Variants in HNF1B observed in about 807,000 individuals in gnomAD.
HNF1B encodes the protein HNF1 homeobox B.
HNF1B carries 8 observed loss-of-function variants against 61.7 expected under a neutral mutation model. The observed-to-expected ratio is 0.13, with a 90% CI of 0.08 to 0.23. HNF1B has a LOEUF of 0.23. Among genes scored for constraint, HNF1B ranks in the 10% least tolerant of loss-of-function variants. The probability of loss-of-function intolerance (pLI) is 1.00; values close to 1 mark genes in which losing one functional copy is unlikely to be tolerated. For synonymous variants in HNF1B, 314 were observed against 287.7 expected (o/e 1.09, Z -0.93); for missense variants, 562 against 714.5 (o/e 0.79, Z 2.43).
intron 4 of HNF1B, among the ~76,000 whole-genome samples, chr17:37,725,111 T>TA (rs2033455104): frequency 6.6e-6 from 1 of 152,184 alleles, no homozygotes; most frequent in Non-Finnish European, 1.5e-5. Flanking sequence ...GCACCTGTAA[T>TA]ACCTAATTCT....
At chr17:37,726,641 G>A (rs1435982772) in intron 4 of HNF1B, among the ~76,000 whole-genome samples, 1 of 152,190 alleles carries the variant, frequency 6.6e-6, no homozygotes, top group African/African-American at 2.4e-5. Flanking sequence ...CTGTGAAGGG[G>A]GATGAGCGAG....
At chr17:37,743,332 T>TGCAGGA (rs966802092) in intron 1 of HNF1B, among the ~76,000 whole-genome samples, 5 of 152,342 alleles carry the variant, frequency 3.3e-5, no homozygotes, top group African/African-American at 1.2e-4. Flanking sequence ...GGAACTCTCT[T>TGCAGGA]GCAGGAGTTC....
At position 37,744,774 on chromosome 17, in the gene HNF1B, C is replaced by T; in HGVS notation, c.111G>A (p.Pro37=). 1.9e-6 allele frequency: 3 copies of T among 1,613,620 alleles called. No homozygotes were observed. The highest frequency in any genetic ancestry group is 2.5e-6 in the Non-Finnish European group (3 of 1,180,040). The part of the protein sequence containing the change: ...VQALEELLPS[P]NFGVKLETLP... ...GCGTCTCCAGCTTCACCCCGAAGTT[C>T]GGGGATGGCAGCAACTCCTCCAAGG... Residue 37 remains proline (P), a synonymous_variant, in exon 1 of 9, where the codon CCG becomes CCA. Transcript: ENST00000617811.
chr17:37,718,526 T>G (rs1471472418), intron 4 of HNF1B, among the ~76,000 whole-genome samples: 1 of 152,192 alleles, frequency 6.6e-6, no homozygotes, highest in African/African-American at 2.4e-5. Flanking sequence ...AGGACAAGGT[T>G]GTTTGCACCG....
intron 4 of HNF1B, among the ~76,000 whole-genome samples, chr17:37,728,232 C>T (rs2033567779): frequency 6.6e-6 from 1 of 151,770 alleles, no homozygotes; most frequent in South Asian, 2.1e-4. Flanking sequence ...AAACTCCTGA[C>T]CTCAAGTGAT....
rs779375959 is a variant in HNF1B at position 37,733,706 on chromosome 17, A to G, written c.660T>C (p.Asp220=). ...SQQSHGPGQS[D]DACSEPTNKK... ...TGTTGGTGGGCTCAGAGCAGGCATC[A>G]TCGGACTGCCCAGGCCCATGGCTCT... The change falls in exon 3 of 9, where the codon GAT becomes GAC. Residue 220 remains aspartate, a synonymous_variant. Transcript: ENST00000617811. 6.6e-5 allele frequency: 106 copies of G among 1,614,104 alleles called. No homozygotes were observed. Among genetic ancestry groups the G allele is most frequent in the Non-Finnish European group, 8.6e-5 (102 of 1,180,044 alleles).
At position 37,709,853 on chromosome 17, in the gene HNF1B, C is replaced by T. The variant is rs140294557; in HGVS notation, c.1206+650G>A. ...ATCATAAGTAGTCGAGTAACCTGCT[C>T]AGGCTACACAGCTATTAAGAGCTGG... On this transcript the variant is annotated intron_variant, in intron 5 of 8. Coordinates refer to ENST00000617811, the MANE Select transcript of HNF1B (RefSeq NM_000458.4). Among the ~76,000 whole-genome samples, 47 of 152,280 alleles carry T rather than the reference C, an allele frequency of 3.1e-4. No homozygotes were observed. The East Asian group carries it at 7.7e-3, about 25-fold the overall frequency.
At chr17:37,731,858 A>C in intron 3 of HNF1B, 28 bp from the exon 4 acceptor site, 2 of 619,024 alleles carry the variant, frequency 3.2e-6, no homozygotes, top group Non-Finnish European at 5.7e-6. Flanking sequence ...GGAGATGGTG[A>C]GTGAGGGGGG....
At chr17:37,719,167 G>T (rs1421575901) in intron 4 of HNF1B, among the ~76,000 whole-genome samples, 1 of 151,884 alleles carries the variant, frequency 6.6e-6, no homozygotes, top group African/African-American at 2.4e-5. Flanking sequence ...GGGGGTCTAT[G>T]TTGCCCAGGG....
At chr17:37,722,880 A>ACCTTCT (rs763162559) in intron 4 of HNF1B, among the ~76,000 whole-genome samples, 2 of 151,966 alleles carry the variant, frequency 1.3e-5, no homozygotes, top group Non-Finnish European at 2.9e-5. Flanking sequence ...GGCTGTGTGC[A>ACCTTCT]CCTTCTCCTT....
chr17:37,724,627 C>A (rs1162210651), intron 4 of HNF1B, among the ~76,000 whole-genome samples: 1 of 151,972 alleles, frequency 6.6e-6, no homozygotes, highest in East Asian at 1.9e-4. Context: ...AATTTCAGTC[C>A]CCATAAAATA....
intron 4 of HNF1B, among the ~76,000 whole-genome samples, chr17:37,715,207 T>C (rs923119921): frequency 6.6e-6 from 1 of 152,084 alleles, no homozygotes; most frequent in African/African-American, 2.4e-5. Flanking sequence ...GCATGCACGC[T>C]GATGATATGT....
intron 4 of HNF1B, among the ~76,000 whole-genome samples, chr17:37,714,596 C>G (rs1247965995): frequency 6.6e-6 from 1 of 152,190 alleles, no homozygotes; most frequent in African/African-American, 2.4e-5. Context: ...AAAAGCCATC[C>G]AAGGTGGAGT....
At chr17:37,723,747 C>T (rs944088848) in intron 4 of HNF1B, among the ~76,000 whole-genome samples, 2 of 151,994 alleles carry the variant, frequency 1.3e-5, no homozygotes, top group Admixed American at 1.3e-4. Flanking sequence ...ACTAAAAAAA[C>T]AAAAAAACAA....
At chr17:37,725,798 G>A (rs543961215) in intron 4 of HNF1B, among the ~76,000 whole-genome samples, 1 of 152,360 alleles carries the variant, frequency 6.6e-6, no homozygotes, top group South Asian at 2.1e-4. Context: ...TGCCCAGGGA[G>A]GGGGCGGAGC....
Position 37,739,605 on chromosome 17 carries a change from C to G in HNF1B, c.379G>C (p.Gly127Arg). 1 of 1,613,898 alleles carries G rather than the reference C, an allele frequency of 6.2e-7. No individual in the cohort carries two copies. Among genetic ancestry groups the G allele is most frequent in the South Asian group, 1.1e-5 (1 of 91,032 alleles). ...GGGATGTTGTGTTGCTGCATGTAAC[C>G]CTTGATCATTTTAGCAGCCCTCCAA... ...DPWRAAKMIK[G>R]YMQQHNIPQR... The change falls in exon 2 of 9, where the codon GGT (glycine) becomes CGT (arginine). Residue 127 changes from glycine to arginine, a missense_variant. This residue lies in a region of HNF1B where 16 missense variants were observed against 66.3 expected (regional missense o/e 0.24). Coordinates refer to ENST00000617811, the MANE Select transcript of HNF1B (RefSeq NM_000458.4).
chr17:37,710,166 G>C (rs1009382031), intron 5 of HNF1B, among the ~76,000 whole-genome samples: 1 of 149,360 alleles, frequency 6.7e-6, no homozygotes, highest in Non-Finnish European at 1.5e-5. Context: ...GAGGCCTTGG[G>C]GGGAGGGATG....
chr17:37,700,343 C>T (rs1458921763), intron 7 of HNF1B, among the ~76,000 whole-genome samples: 1 of 152,116 alleles, frequency 6.6e-6, no homozygotes, highest in African/African-American at 2.4e-5. Flanking sequence ...GAAAGGTAGG[C>T]TTGGGGTAGG....
At chr17:37,688,603 G>A (rs1001736927) in intron 8 of HNF1B, among the ~76,000 whole-genome samples, 6 of 152,190 alleles carry the variant, frequency 3.9e-5, no homozygotes, top group African/African-American at 1.4e-4. Flanking sequence ...CTTCAAACTA[G>A]CTGTCTAGGT....
Sources: allele counts gnomAD v4.1 joint callset (sites outside exome capture counted in the v4.1 genomes callset), GRCh38; gene constraint gnomAD v4.1.1; regional missense constraint gnomAD v4.1.1; transcripts MANE v1.5; gene names NCBI Gene and HGNC (gene_info 2026-07-23, HGNC 2026-07-21).